MAP3K9: variants seen among roughly 807,000 people sequenced by gnomAD.
MAP3K9 encodes mitogen-activated protein kinase kinase kinase 9, also known as mixed lineage kinase 1 (tyr and ser/thr specificity).
A neutral mutation model predicts 95.8 loss-of-function variants in MAP3K9; 46 were observed. The ratio of observed to expected loss-of-function variants is 0.48; its 90% CI spans 0.38 to 0.61. The LOEUF is 0.61. Among genes scored for constraint, MAP3K9 ranks in the 20% least tolerant of loss-of-function variants. MAP3K9 has a pLI of 0.00. For missense variants in MAP3K9, 1,296 were observed against 1,474.3 expected (o/e 0.88, Z 1.98); for synonymous variants, 533 against 593.8 (o/e 0.90, Z 1.49).
At chr14:70,736,555 T>G (rs1056567116) in intron 8 of MAP3K9, among the ~76,000 whole-genome samples, 1 of 152,232 alleles carries the variant, frequency 6.6e-6, no homozygotes, top group African/African-American at 2.4e-5. Context: ...ATATATTTTT[T>G]AATTCCTTCA....
intron 8 of MAP3K9, 41 bp from the exon 9 acceptor site, chr14:70,736,070 C>G: frequency 7.3e-7 from 1 of 1,370,644 alleles, no homozygotes; most frequent in East Asian, 2.3e-5. Context: ...CAATGGAGGG[C>G]ACATCCAGCT....
Position 70,748,997 on chromosome 14 carries a change from C to A in MAP3K9, c.1158G>T (p.Trp386Cys). The change falls in exon 5 of 12, where the codon TGG becomes TGT. Residue 386 changes from tryptophan (W) to cysteine (C), a missense_variant. Coordinates refer to ENST00000554752, the MANE Select transcript of MAP3K9 (RefSeq NM_001284230.2). ...ATGGTCGTGAGTGGGGATCAGGATTCCAGCAGTCTGAATAGAACATGTGAA... is the reference window on the plus strand; with the variant it reads ...ATGGTCGTGAGTGGGGATCAGGATTACAGCAGTCTGAATAGAACATGTGAA... ...EPFAKLMEDC[W>C]NPDPHSRPSF... The A allele has an allele frequency of 6.2e-7, 1 of 1,613,230 alleles. No homozygotes were observed. Among genetic ancestry groups the A allele is most frequent in the Non-Finnish European group, 8.5e-7 (1 of 1,179,630 alleles).
chr14:70,756,152 C>T (rs946652534), intron 3 of MAP3K9, among the ~76,000 whole-genome samples: 2 of 152,180 alleles, frequency 1.3e-5, no homozygotes, highest in African/African-American at 4.8e-5. Context: ...ATGGCCTTGT[C>T]TTTCCCTGTC....
chr14:70,730,508 T>G lies in MAP3K9; in HGVS notation c.3187A>C (p.Thr1063Pro), dbSNP rs560713687. 6.8e-6 allele frequency: 11 copies of G among 1,613,902 alleles called. No individual in the cohort carries two copies. Among genetic ancestry groups the G allele is most frequent in the African/African-American group, 1.3e-5 (1 of 74,930 alleles). The change falls in exon 12 of 12, where the codon ACT (threonine) becomes CCT (proline). Residue 1063 changes from threonine to proline, a missense_variant. Thr to Pro is a conservative substitution (Grantham distance 38). Around this residue, in one of 5 missense-constraint regions of MAP3K9, gnomAD observed 433 missense variants for 441.4 expected, o/e 0.98. Coordinates refer to ENST00000554752, the MANE Select transcript of MAP3K9 (RefSeq NM_001284230.2). ...TCCAGGTCCAGGAGCGTCCGCTCAG[T>G]CGGGGGCAGCGGCCCTGCCTGGAAC... The part of the protein sequence containing the change: ...LPFQAGPLPP[T>P]ERTLLDLDAE...
chr14:70,756,085 A>C (rs952742045), intron 3 of MAP3K9, among the ~76,000 whole-genome samples: 5 of 152,218 alleles, frequency 3.3e-5, no homozygotes, highest in African/African-American at 1.2e-4. Flanking sequence ...AAGGATACTT[A>C]GGGTAAAAGT....
intron 2 of MAP3K9, among the ~76,000 whole-genome samples, chr14:70,780,117 G>T (rs1191687151): frequency 1.3e-5 from 2 of 152,190 alleles, no homozygotes; most frequent in Non-Finnish European, 2.9e-5. Flanking sequence ...GTGCATATGT[G>T]TTCTGGGGAA....
chr14:70,752,357 G>A (rs1452302259), intron 3 of MAP3K9, among the ~76,000 whole-genome samples: 1 of 152,190 alleles, frequency 6.6e-6, no homozygotes, highest in African/African-American at 2.4e-5. Context: ...TGGTACACAG[G>A]AAGCACTCAT....
intron 2 of MAP3K9, among the ~76,000 whole-genome samples, chr14:70,775,489 G>GT (rs1308549858): frequency 6.6e-6 from 1 of 152,186 alleles, no homozygotes; most frequent in Non-Finnish European, 1.5e-5. Flanking sequence ...AGGCCACAGT[G>GT]TATGACCCAC....
chr14:70,784,758 G>A (rs905166102), intron 2 of MAP3K9, among the ~76,000 whole-genome samples: 8 of 152,170 alleles, frequency 5.3e-5, no homozygotes, highest in Admixed American at 6.5e-5. Context: ...GGATGGCTGA[G>A]GTTCAAATTG....
chr14:70,779,103 A>G (rs1427969902), intron 2 of MAP3K9, among the ~76,000 whole-genome samples: 1 of 152,232 alleles, frequency 6.6e-6, no homozygotes, highest in African/African-American at 2.4e-5. Flanking sequence ...TGACATATCT[A>G]AGAAATAGTC....
At chr14:70,745,233 A>G (rs968904395) in intron 5 of MAP3K9, among the ~76,000 whole-genome samples, 1 of 152,200 alleles carries the variant, frequency 6.6e-6, no homozygotes, top group Non-Finnish European at 1.5e-5. Flanking sequence ...AATACTCACT[A>G]TAAGTAACCA....
intron 6 of MAP3K9, among the ~76,000 whole-genome samples, chr14:70,741,458 A>G (rs976787057): frequency 5.9e-5 from 9 of 152,180 alleles, no homozygotes; most frequent in Admixed American, 3.9e-4. Context: ...GAATATCTTT[A>G]TCTACATCAA....
chr14:70,756,699 C>A (rs1268697630), intron 3 of MAP3K9, among the ~76,000 whole-genome samples: 1 of 152,196 alleles, frequency 6.6e-6, no homozygotes, highest in Admixed American at 6.5e-5. Context: ...TTTAACCATT[C>A]GGTCAAGGTC....
At chr14:70,742,700 C>T in intron 5 of MAP3K9, 109 bp from the exon 6 acceptor site, 1 of 1,280,120 alleles carries the variant, frequency 7.8e-7, no homozygotes, top group Non-Finnish European at 1.1e-6. Flanking sequence ...CTGGAGAGCT[C>T]TCCTATGATG....
At chr14:70,765,623 C>T (rs151068105) in intron 2 of MAP3K9, 8,742 of 393,680 alleles carry the variant, frequency 0.022, 136 homozygotes, top group Non-Finnish European at 0.03. Flanking sequence ...AACATGTACA[C>T]GTTTGTAGCC....
At chr14:70,780,417 C>T (rs938997764) in intron 2 of MAP3K9, among the ~76,000 whole-genome samples, 2 of 152,240 alleles carry the variant, frequency 1.3e-5, no homozygotes, top group Middle Eastern at 3.4e-3. Flanking sequence ...TCTTGGAGGC[C>T]GTACCCACTT....
chr14:70,748,672 G>T (rs1205510727), intron 5 of MAP3K9, among the ~76,000 whole-genome samples, 157 bp downstream of exon 5: 4 of 152,188 alleles, frequency 2.6e-5, no homozygotes, highest in Admixed American at 6.5e-5. Flanking sequence ...CTCTGGTTTG[G>T]ACAATTAAGT....
rs192716311 is a variant in MAP3K9 at position 70,804,978 on chromosome 14, G to A, written c.406+3788C>T. On this transcript the variant is annotated intron_variant, in intron 1 of 11. Coordinates refer to ENST00000554752, the MANE Select transcript of MAP3K9 (RefSeq NM_001284230.2). ...CCTGTGGATAGGAACGAAGGAACTAGACCTTCAGCTGCAGCAGAGTATGTG... is the reference window on the plus strand; with the variant it reads ...CCTGTGGATAGGAACGAAGGAACTAAACCTTCAGCTGCAGCAGAGTATGTG... Among the ~76,000 whole-genome samples the A allele has an allele frequency of 3.1e-3, 473 of 152,282 alleles. 2 individuals are homozygous for A. The highest frequency in any genetic ancestry group is 4.7e-3 in the Non-Finnish European group (323 of 68,030).
intron 2 of MAP3K9, among the ~76,000 whole-genome samples, chr14:70,782,278 A>G (rs1044529265): frequency 6.6e-6 from 1 of 152,208 alleles, no homozygotes; most frequent in Admixed American, 6.5e-5. Flanking sequence ...TTCTTACAGC[A>G]TGTATGCAAT....
Sources: gnomAD v4.1 joint callset for allele counts (sites outside exome capture counted in the v4.1 genomes callset) on GRCh38, gnomAD v4.1.1 for gene constraint, gnomAD v4.1.1 regional missense constraint, MANE v1.5 for transcripts, NCBI Gene and HGNC (gene_info 2026-07-23, HGNC 2026-07-21) for gene names.